Variants in CHEK2 observed in about 807,000 individuals in gnomAD.
CHEK2 encodes the protein checkpoint kinase 2.
A neutral mutation model predicts 69.1 loss-of-function variants in CHEK2; 71 were observed. The ratio of observed to expected loss-of-function variants is 1.03; its 90% CI spans 0.85 to 1.25. The LOEUF is 1.25. Ranked by LOEUF, CHEK2 falls within the 50% of genes most tolerant of loss-of-function variation. CHEK2 has a pLI of 0.00. For synonymous variants in CHEK2, 189 were observed against 226.9 expected (o/e 0.83, Z 1.50); for missense variants, 664 against 649.6 (o/e 1.02, Z -0.24).
intron 9 of CHEK2, among the ~76,000 whole-genome samples, chr22:28,699,370 T>C (rs867620832): frequency 4.3e-5 from 6 of 139,264 alleles, no homozygotes; most frequent in Non-Finnish European, 7.8e-5. Context: ...TTCTTTTTTT[T>C]TTTTTTTTTT....
At chr22:28,718,917 C>CAT (rs1003604117) in intron 5 of CHEK2, among the ~76,000 whole-genome samples, 1 of 146,006 alleles carries the variant, frequency 6.8e-6, no homozygotes, top group Non-Finnish European at 1.5e-5. Context: ...CACACACACA[C>CAT]ACACAGGAAA....
chr22:28,719,800 A>G (rs535674196), intron 4 of CHEK2, among the ~76,000 whole-genome samples: 2 of 152,342 alleles, frequency 1.3e-5, no homozygotes, highest in East Asian at 3.9e-4. Context: ...AATCAATTAC[A>G]CTAATATAAA....
chr22:28,734,783 T>A (rs2146159353), intron 1 of CHEK2, 56 bp from the exon 2 acceptor site: 2 of 1,465,634 alleles, frequency 1.4e-6, no homozygotes. Flanking sequence ...AGACTTAAAA[T>A]TAAAAAGTAA....
intron 13 of CHEK2, among the ~76,000 whole-genome samples, chr22:28,691,755 C>A (rs903005401): frequency 1.3e-5 from 2 of 152,142 alleles, no homozygotes; most frequent in Admixed American, 6.6e-5. Flanking sequence ...CAGAAGAAAT[C>A]CTCTATTTCA....
At chr22:28,730,724 G>A (rs1228434624) in intron 2 of CHEK2, among the ~76,000 whole-genome samples, 1 of 151,916 alleles carries the variant, frequency 6.6e-6, no homozygotes, top group African/African-American at 2.4e-5. Flanking sequence ...CAGGCATGGT[G>A]GCATAAGCAT....
At chr22:28,715,050 G>T (rs577790174) in intron 5 of CHEK2, among the ~76,000 whole-genome samples, 3 of 152,256 alleles carry the variant, frequency 2.0e-5, no homozygotes, top group African/African-American at 4.8e-5. Flanking sequence ...ACTCCAGCCT[G>T]AGACACAGAG....
At chr22:28,711,867 G>A (rs368452810) in intron 6 of CHEK2, 42 bp downstream of exon 6, 1 of 1,266,286 alleles carries the variant, frequency 7.9e-7, no homozygotes, top group South Asian at 1.2e-5. Flanking sequence ...AAGTTATGAA[G>A]ACGTGTTAAT....
chr22:28,700,211 C>CTTTT (rs1188199517), intron 8 of CHEK2, among the ~76,000 whole-genome samples: 3 of 128,026 alleles, frequency 2.3e-5, no homozygotes, highest in Non-Finnish European at 5.0e-5. Context: ...CCAGGAGTTG[C>CTTTT]TTTTTTTTTT....
At chr22:28,732,173 G>A (rs755777221) in intron 2 of CHEK2, among the ~76,000 whole-genome samples, 5 of 151,670 alleles carry the variant, frequency 3.3e-5, no homozygotes, top group Non-Finnish European at 7.4e-5. Context: ...GTGCAATGGC[G>A]AGATCTCGGT....
chr22:28,721,287 T>A (rs1346200885), intron 4 of CHEK2, among the ~76,000 whole-genome samples: 1 of 144,952 alleles, frequency 6.9e-6, no homozygotes, highest in East Asian at 2.0e-4. Flanking sequence ...TTGGGTTTTT[T>A]TTTTTTTTTT....
chr22:28,710,306 A>T (rs1326072370), intron 6 of CHEK2, among the ~76,000 whole-genome samples: 1 of 152,212 alleles, frequency 6.6e-6, no homozygotes, highest in Non-Finnish European at 1.5e-5. Context: ...ATTTACAGAG[A>T]TCATGTCTCA....
intron 6 of CHEK2, among the ~76,000 whole-genome samples, chr22:28,710,606 ACT>A (rs2053358260): frequency 6.6e-6 from 1 of 152,166 alleles, no homozygotes; most frequent in Non-Finnish European, 1.5e-5. Flanking sequence ...ATTTACTGAG[ACT>A]CTGACAAGAG....
intron 2 of CHEK2, among the ~76,000 whole-genome samples, chr22:28,727,365 A>G (rs961525622): frequency 2.0e-5 from 3 of 152,088 alleles, no homozygotes; most frequent in African/African-American, 7.2e-5. Flanking sequence ...TTATATAAAC[A>G]TTACTCACCT....
intron 5 of CHEK2, among the ~76,000 whole-genome samples, chr22:28,719,188 C>T (rs1398540030): frequency 1.3e-5 from 2 of 151,782 alleles, no homozygotes; most frequent in Admixed American, 6.6e-5. Flanking sequence ...AGAGCAACAC[C>T]CTGTCTCACA....
At position 28,689,217 on chromosome 22, in the gene CHEK2, T is replaced by C. The variant is rs587782575; in HGVS notation, c.1462-2A>G. On this transcript the variant is annotated splice_acceptor_variant, in intron 13 of 14. Coordinates refer to ENST00000404276, the MANE Select transcript of CHEK2 (RefSeq NM_007194.4). LOFTEE classifies it high-confidence loss of function. ...AAACTTTCTCTTCATGTCTTCATCC[T>C]GTGAGGGAATTAAAAACATAAGTAG... The C allele has an allele frequency of 7.1e-6, 11 of 1,548,264 alleles. No homozygotes were observed. Among genetic ancestry groups the C allele is most frequent in the Non-Finnish European group, 9.7e-6 (11 of 1,136,120 alleles).
In CHEK2 at chr22:28,703,576, G is replaced by A. The variant is rs745745105; in HGVS notation, c.847-10C>T. 6.5e-7 allele frequency: 1 copy of A among 1,543,114 alleles called. No homozygotes were observed. Reference sequence around the variant, plus strand: ...TCTTGATGATGCAAGGCTAAGAAGAGGGGGAGAAAAAAGGGAAAGTAGTGA... The same window carrying A: ...TCTTGATGATGCAAGGCTAAGAAGAAGGGGAGAAAAAAGGGAAAGTAGTGA... On this transcript the variant is annotated splice_polypyrimidine_tract_variant and intron_variant, in intron 7 of 14. Coordinates refer to ENST00000404276, the MANE Select transcript of CHEK2 (RefSeq NM_007194.4).
intron 9 of CHEK2, among the ~76,000 whole-genome samples, chr22:28,698,923 C>T (rs966814901): frequency 1.3e-5 from 2 of 152,090 alleles, no homozygotes; most frequent in Non-Finnish European, 1.5e-5. Context: ...GAGACTTCTA[C>T]AAGGATCAAG....
intron 1 of CHEK2, among the ~76,000 whole-genome samples, chr22:28,737,679 G>A (rs937383622): frequency 2.0e-5 from 3 of 151,640 alleles, no homozygotes; most frequent in Non-Finnish European, 2.9e-5. Flanking sequence ...TCACCGTATT[G>A]GCCAGCCTGG....
chr22:28,713,888 G>A (rs1440067029), intron 5 of CHEK2, among the ~76,000 whole-genome samples: 1 of 150,224 alleles, frequency 6.7e-6, no homozygotes, highest in East Asian at 2.0e-4. Flanking sequence ...ACCATGTTGG[G>A]CAGGCTGGTC....
Sources: allele counts gnomAD v4.1 joint callset (sites outside exome capture counted in the v4.1 genomes callset), GRCh38; gene constraint gnomAD v4.1.1; transcripts MANE v1.5; gene names NCBI Gene and HGNC (gene_info 2026-07-23, HGNC 2026-07-21).